Variants in WNT3 observed in about 807,000 individuals in gnomAD.
The protein encoded by WNT3 is Wnt family member 3, also known as proto-oncogene Wnt-3.
In WNT3, 7 loss-of-function variants were observed where a neutral mutation model predicts 34.2. That is an observed-to-expected ratio of 0.20 (90% confidence interval 0.12 to 0.38). WNT3 has a LOEUF of 0.38. Among genes scored for constraint, WNT3 ranks in the 10% least tolerant of loss-of-function variants. The probability of loss-of-function intolerance (pLI) is 1.00; values close to 1 mark genes in which losing one functional copy is unlikely to be tolerated. For missense variants in WNT3, 267 were observed against 499.8 expected, an observed-to-expected ratio of 0.53 and a Z score of 4.44; for synonymous variants, 212 against 211.5, an observed-to-expected ratio of 1.00 and a Z score of -0.02.
chr17:46,771,652 C>G (rs1363125789), intron 2 of WNT3, among the ~76,000 whole-genome samples: 1 of 144,486 alleles, frequency 6.9e-6, no homozygotes, highest in Non-Finnish European at 1.5e-5. Context: ...GGGCCCGGGC[C>G]GCCGGGCCGG....
chr17:46,782,068 C>T (rs1036587741), intron 1 of WNT3, among the ~76,000 whole-genome samples: 2 of 152,208 alleles, frequency 1.3e-5, no homozygotes, highest in African/African-American at 2.4e-5. Context: ...GACCCAGGGG[C>T]TGCGGCCCAG....
chr17:46,789,896 CT>C (rs1249110557), intron 1 of WNT3, among the ~76,000 whole-genome samples: 2 of 152,230 alleles, frequency 1.3e-5, no homozygotes, highest in Non-Finnish European at 2.9e-5. Context: ...CGATTCCACT[CT>C]CTACCTTTCA....
intron 1 of WNT3, among the ~76,000 whole-genome samples, chr17:46,802,139 A>G (rs2146444789): frequency 6.6e-6 from 1 of 152,350 alleles, no homozygotes; most frequent in South Asian, 2.1e-4. Flanking sequence ...AATCCTTAGA[A>G]ACTCCAAAGT....
intron 1 of WNT3, among the ~76,000 whole-genome samples, chr17:46,790,121 AT>A (rs2083962654): frequency 1.3e-5 from 2 of 151,718 alleles, no homozygotes. Flanking sequence ...GAGCCTCAAC[AT>A]TTTCCTCTGC....
intron 1 of WNT3, among the ~76,000 whole-genome samples, chr17:46,807,150 CA>C (rs2084208275): frequency 2.0e-5 from 3 of 152,166 alleles, no homozygotes; most frequent in Admixed American, 2.0e-4. Context: ...TCTCTGAAGA[CA>C]AGACCTTTGT....
Position 46,797,228 on chromosome 17 carries a change from G to T in WNT3, c.80+21290C>A, listed in dbSNP as rs150241002. 1.7e-3 allele frequency among the ~76,000 whole-genome samples: 265 copies of T among 152,238 alleles called. 1 individual carries two copies. Among genetic ancestry groups the T allele is most frequent in the Middle Eastern group, 6.8e-3 (2 of 294 alleles). On this transcript the variant is annotated intron_variant, in intron 1 of 4. Transcript: ENST00000225512. ...AGCCTTTCTCAACAGGATTATGTGG[G>T]GCTGATGTTATAAGAAACACACTAT...
At chr17:46,779,748 G>A (rs1457364113) in intron 1 of WNT3, among the ~76,000 whole-genome samples, 1 of 126,168 alleles carries the variant, frequency 7.9e-6, no homozygotes, top group Non-Finnish European at 1.6e-5. Flanking sequence ...GTGAGCACAA[G>A]GCAGAGAGGA....
chr17:46,810,021 T>TTC (rs1555688366), intron 1 of WNT3, among the ~76,000 whole-genome samples: 67 of 150,082 alleles, frequency 4.5e-4, no homozygotes, highest in African/African-American at 1.6e-3. Context: ...TTTTTTTTTT[T>TTC]TTGAGACAGA....
chr17:46,813,107 T>A (rs1005232910), intron 1 of WNT3, among the ~76,000 whole-genome samples: 5 of 152,002 alleles, frequency 3.3e-5, no homozygotes, highest in African/African-American at 1.2e-4. Flanking sequence ...GGCAGCCAGC[T>A]CTTTGCGATT....
intron 1 of WNT3, among the ~76,000 whole-genome samples, chr17:46,798,879 C>T (rs758844735): frequency 6.6e-6 from 1 of 152,040 alleles, no homozygotes; most frequent in Non-Finnish European, 1.5e-5. Context: ...GAAACCCCAT[C>T]TCTACTAAAA....
At chr17:46,766,963 T>C (rs1312178371) in intron 4 of WNT3, among the ~76,000 whole-genome samples, 2 of 152,204 alleles carry the variant, frequency 1.3e-5, no homozygotes, top group African/African-American at 4.8e-5. Flanking sequence ...ACCAGGTCTA[T>C]GAAGAATTTC....
At chr17:46,788,909 G>T (rs150106216) in intron 1 of WNT3, among the ~76,000 whole-genome samples, 85 of 152,100 alleles carry the variant, frequency 5.6e-4, no homozygotes, top group African/African-American at 1.9e-3. Flanking sequence ...TTTTAACACA[G>T]CTGCTAGCTC....
intron 1 of WNT3, among the ~76,000 whole-genome samples, chr17:46,786,055 T>G (rs1392189823): frequency 6.8e-6 from 1 of 147,842 alleles, no homozygotes; most frequent in Non-Finnish European, 1.5e-5. Flanking sequence ...TCTTTCTTTC[T>G]TACCCACCCC....
chr17:46,792,228 C>A (rs2083996809), intron 1 of WNT3, among the ~76,000 whole-genome samples: 1 of 152,206 alleles, frequency 6.6e-6, no homozygotes, highest in Admixed American at 6.5e-5. Flanking sequence ...CTCAAATCAC[C>A]ATGGGTGGGA....
intron 1 of WNT3, among the ~76,000 whole-genome samples, chr17:46,804,115 T>C (rs1478026107): frequency 8.6e-5 from 13 of 151,900 alleles, no homozygotes; most frequent in Admixed American, 8.5e-4. Context: ...TGAGACAGAG[T>C]CTCACTCTGT....
intron 1 of WNT3, among the ~76,000 whole-genome samples, chr17:46,804,927 C>CAA (rs1429982933): frequency 6.9e-6 from 1 of 145,382 alleles, no homozygotes; most frequent in Admixed American, 6.8e-5. Flanking sequence ...CCACCCCCCC[C>CAA]ACCCCCAAGC....
At position 46,768,934 on chromosome 17, in the gene WNT3, G is replaced by C; in HGVS notation, c.589-135C>G. The C allele has an allele frequency of 7.4e-7, 1 of 1,355,100 alleles. No homozygotes were observed. The highest frequency in any genetic ancestry group is 9.9e-7 in the Non-Finnish European group (1 of 1,013,082). 83.9% of individuals were successfully genotyped at this position (1,355,100 alleles called of 1,614,324 possible). ...CTCTGTGACAGGAAGAGAACTGATG[G>C]GGACTGAGGCAAGACCTAAAGAATA... On this transcript the variant is annotated intron_variant, in intron 3 of 4. Coordinates refer to ENST00000225512, the MANE Select transcript of WNT3 (RefSeq NM_030753.5). This position sits in a 1 kb window ranked among gnomAD's most constrained non-coding sequence, Gnocchi z 5.0.
rs1047507900 is a variant in WNT3 at position 46,763,499 on chromosome 17, T to G, written c.*1131A>C. 17 of 152,206 alleles carry G rather than the reference T, an allele frequency of 1.1e-4. No homozygotes were observed. Among genetic ancestry groups the G allele is most frequent in the African/African-American group, 3.9e-4 (16 of 41,442 alleles). The allele number at this position is 152,206 out of a possible 1,614,324, so 9.4% of individuals were successfully genotyped here. ...AACTCTGTGTCTGTGTTTACTCACA[T>G]TGGCCCCAGAGAGGAAAGGACACAG... On this transcript the variant is annotated 3_prime_UTR_variant, in exon 5 of 5. Transcript: ENST00000225512.
intron 1 of WNT3, among the ~76,000 whole-genome samples, chr17:46,784,294 GC>G (rs537174259): frequency 2.0e-5 from 3 of 152,328 alleles, no homozygotes; most frequent in African/African-American, 7.2e-5. Flanking sequence ...AAGCAAAGCA[GC>G]TTTGGGAACA....
Sources: allele counts gnomAD v4.1 joint callset (sites outside exome capture counted in the v4.1 genomes callset), GRCh38; gene constraint gnomAD v4.1.1; non-coding constraint Gnocchi (gnomAD v3.1); transcripts MANE v1.5; gene names NCBI Gene and HGNC (gene_info 2026-07-23, HGNC 2026-07-21).